PAK5: variants seen among roughly 807,000 people sequenced by gnomAD.
The protein encoded by PAK5 is p21 (RAC1) activated kinase 5.
In PAK5, 16 loss-of-function variants were observed where a neutral mutation model predicts 65.9. The ratio of observed to expected loss-of-function variants is 0.24; its 90% CI spans 0.16 to 0.37. The LOEUF (loss-of-function observed/expected upper bound fraction) is 0.37. PAK5 is among the 10% of genes least tolerant of loss of function. PAK5 has a pLI of 1.00. For missense variants in PAK5, 785 were observed against 903.9 expected (o/e 0.87, Z 1.69); for synonymous variants, 371 against 354.9 (o/e 1.05, Z -0.51).
intron 1 of PAK5, among the ~76,000 whole-genome samples, chr20:9,835,347 G>A (rs1005143528): frequency 1.3e-5 from 2 of 152,172 alleles, no homozygotes; most frequent in African/African-American, 2.4e-5. Flanking sequence ...AGAGATCAAG[G>A]AAGCCCAAGG....
chr20:9,597,657 G>C (rs117956153), intron 3 of PAK5, among the ~76,000 whole-genome samples: 1 of 152,224 alleles, frequency 6.6e-6, no homozygotes, highest in Admixed American at 6.5e-5. Flanking sequence ...TTTGGGTTTA[G>C]CTCTGGCCAA....
chr20:9,620,702 G>T (rs947566490), intron 3 of PAK5, among the ~76,000 whole-genome samples: 3 of 152,088 alleles, frequency 2.0e-5, no homozygotes, highest in Non-Finnish European at 4.4e-5. Flanking sequence ...GTGTTTAAAA[G>T]CTATACAGAG....
intron 2 of PAK5, among the ~76,000 whole-genome samples, chr20:9,706,628 G>C (rs975902895): frequency 6.6e-6 from 1 of 150,712 alleles, no homozygotes. Context: ...ACAGGTGCAT[G>C]CCACCATTCC....
intron 1 of PAK5, among the ~76,000 whole-genome samples, chr20:9,753,657 C>G (rs1198459581): frequency 6.6e-6 from 1 of 151,988 alleles, no homozygotes; most frequent in Non-Finnish European, 1.5e-5. Context: ...ATGTGATAGC[C>G]CATAAAGGGA....
intron 3 of PAK5, among the ~76,000 whole-genome samples, chr20:9,603,143 C>A (rs1388765186): frequency 6.6e-6 from 1 of 152,196 alleles, no homozygotes; most frequent in East Asian, 1.9e-4. Flanking sequence ...TTATAGACGC[C>A]TCCGGTGTAG....
At chr20:9,760,953 C>G (rs2048693059) in intron 1 of PAK5, among the ~76,000 whole-genome samples, 1 of 152,082 alleles carries the variant, frequency 6.6e-6, no homozygotes, top group Non-Finnish European at 1.5e-5. Flanking sequence ...CATTGATACT[C>G]TTATCACAAA....
At chr20:9,717,601 C>A (rs1409332021) in intron 1 of PAK5, among the ~76,000 whole-genome samples, 1 of 152,134 alleles carries the variant, frequency 6.6e-6, no homozygotes, top group Non-Finnish European at 1.5e-5. Context: ...TATGCCATTT[C>A]GTTTTGTTTT....
rs1327784513 is a variant in PAK5 at position 9,580,537 on chromosome 20, G to C, written c.598C>G (p.His200Asp). ...TTGCTCAGTGAGTCCAAATGTGAGT[G>C]ATAATCGGCAGAAAATCTGGCAAAA... ...SDFARFSADY[H>D]SHLDSLSKPS... Residue 200 changes from histidine to aspartate, a missense_variant, in exon 4 of 10, where the codon CAC (histidine) becomes GAC (aspartate). By Grantham distance (81) the His-to-Asp change is moderately conservative. Transcript: ENST00000353224. 1 of 1,614,028 alleles carries C rather than the reference G, an allele frequency of 6.2e-7. No homozygotes were observed. Among genetic ancestry groups the C allele is most frequent in the Non-Finnish European group, 8.5e-7 (1 of 1,180,028 alleles).
chr20:9,805,268 T>C (rs1385143128), intron 1 of PAK5, among the ~76,000 whole-genome samples: 1 of 152,100 alleles, frequency 6.6e-6, no homozygotes, highest in African/African-American at 2.4e-5. Flanking sequence ...CTCAGGTGAA[T>C]GTAAAATGAG....
At chr20:9,830,343 G>C (rs1458601064) in intron 1 of PAK5, among the ~76,000 whole-genome samples, 2 of 152,206 alleles carry the variant, frequency 1.3e-5, no homozygotes, top group African/African-American at 4.8e-5. Context: ...TACCTGGACA[G>C]CCACAGACAT....
chr20:9,838,968 T>G lies in PAK5; in HGVS notation c.-368A>C, dbSNP rs1391157767. On this transcript the variant is annotated 5_prime_UTR_variant, in exon 1 of 10. Coordinates refer to ENST00000353224, the MANE Select transcript of PAK5 (RefSeq NM_177990.4). This position sits in a 1 kb window ranked among gnomAD's most constrained non-coding sequence, Gnocchi z 4.5. Reference sequence around the variant, plus strand: ...CTCCACCCAAACCTCCCCCAGCTACTGAGCATGCCCAGCTGCCCGGCTTCG... The same window carrying G: ...CTCCACCCAAACCTCCCCCAGCTACGGAGCATGCCCAGCTGCCCGGCTTCG... 6.6e-6 allele frequency: 1 copy of G among 152,650 alleles called. No individual in the cohort carries two copies. Among genetic ancestry groups the G allele is most frequent in the Admixed American group, 6.5e-5 (1 of 15,288 alleles). The allele number at this position is 152,650 out of a possible 1,614,324, so 9.5% of individuals were successfully genotyped here.
intron 5 of PAK5, 24 bp downstream of exon 5, chr20:9,565,869 G>A (rs779502951): frequency 5.0e-6 from 8 of 1,585,774 alleles, no homozygotes; most frequent in South Asian, 1.1e-5. Context: ...AGGAGAGAAA[G>A]GATGACCCAA....
Position 9,735,704 on chromosome 20 carries a change from C to G in PAK5, c.-161-24269G>C, listed in dbSNP as rs73600257. ...CTTAACTGTGTCTCAAAACAAAGCT[C>G]AAGAATATTGATAGGACTATAAAAA... On this transcript the variant is annotated intron_variant, in intron 1 of 9. Coordinates refer to ENST00000353224, the MANE Select transcript of PAK5 (RefSeq NM_177990.4). Among the ~76,000 whole-genome samples the G allele has an allele frequency of 2.6e-5, 4 of 151,876 alleles. No homozygotes were observed. In the East Asian group the frequency reaches 7.9e-4, roughly 30 times the overall value.
At chr20:9,650,317 T>C (rs2047186928) in intron 2 of PAK5, among the ~76,000 whole-genome samples, 1 of 152,282 alleles carries the variant, frequency 6.6e-6, no homozygotes, top group African/African-American at 2.4e-5. Flanking sequence ...CAGACCCAGA[T>C]TCAGTCTCTT....
At chr20:9,830,031 GA>G (rs1978584063) in intron 1 of PAK5, among the ~76,000 whole-genome samples, 1 of 152,110 alleles carries the variant, frequency 6.6e-6, no homozygotes, top group African/African-American at 2.4e-5. Context: ...CATGAGCAGT[GA>G]ATTCCAAGGT....
intron 6 of PAK5, among the ~76,000 whole-genome samples, chr20:9,562,558 G>C (rs1368920798): frequency 6.6e-6 from 1 of 152,192 alleles, no homozygotes; most frequent in Non-Finnish European, 1.5e-5. Flanking sequence ...AGCAATGGTA[G>C]AGTAACTCAG....
At chr20:9,562,795 G>T in intron 6 of PAK5, 96 bp downstream of exon 6, 2 of 1,114,388 alleles carry the variant, frequency 1.8e-6, no homozygotes, top group Non-Finnish European at 2.6e-6. Context: ...TGACTCCAAA[G>T]TGCCTGCAAT....
At chr20:9,816,064 C>G (rs1466637378) in intron 1 of PAK5, among the ~76,000 whole-genome samples, 1 of 152,044 alleles carries the variant, frequency 6.6e-6, no homozygotes, top group Non-Finnish European at 1.5e-5. Context: ...GATTGGAACT[C>G]TGGGGTCAGT....
intron 1 of PAK5, among the ~76,000 whole-genome samples, chr20:9,810,708 C>T (rs2049288867): frequency 6.6e-6 from 1 of 152,166 alleles, no homozygotes; most frequent in Non-Finnish European, 1.5e-5. Flanking sequence ...AAAATGTACC[C>T]TCTCTGCTAT....
Sources: allele counts gnomAD v4.1 joint callset (sites outside exome capture counted in the v4.1 genomes callset), GRCh38; gene constraint gnomAD v4.1.1; non-coding constraint Gnocchi (gnomAD v3.1); transcripts MANE v1.5; gene names NCBI Gene and HGNC (gene_info 2026-07-23, HGNC 2026-07-21).